The following ZNF407 variants were observed in gnomAD, a reference collection of about 807,000 sequenced individuals.
ZNF407 encodes zinc finger protein 407.
In ZNF407, 17 loss-of-function variants were observed where a neutral mutation model predicts 131.2. The ratio of observed to expected loss-of-function variants is 0.13; its 90% CI spans 0.09 to 0.19. The LOEUF is 0.19. ZNF407 is among the 10% of genes least tolerant of loss of function. The probability of loss-of-function intolerance (pLI) is 1.00; values close to 1 mark genes in which losing one functional copy is unlikely to be tolerated. For missense variants in ZNF407, 2,681 were observed against 2,830.6 expected, an observed-to-expected ratio of 0.95 and a Z score of 1.20; for synonymous variants, 1,156 against 1,062.0, an observed-to-expected ratio of 1.09 and a Z score of -1.72.
chr18:75,042,908 C>T (rs1043934752), intron 8 of ZNF407, among the ~76,000 whole-genome samples: 16 of 152,178 alleles, frequency 1.1e-4, no homozygotes, highest in Admixed American at 3.3e-4. Context: ...AGTCCTGTTC[C>T]GTCGCATGCG....
intron 4 of ZNF407, among the ~76,000 whole-genome samples, chr18:74,782,639 A>T (rs1451967739): frequency 6.6e-6 from 1 of 150,644 alleles, no homozygotes; most frequent in African/African-American, 2.5e-5. Flanking sequence ...CCTTCATTTG[A>T]GATGGAGTCT....
chr18:74,954,820 C>T (rs567138005), intron 8 of ZNF407, among the ~76,000 whole-genome samples: 1 of 152,268 alleles, frequency 6.6e-6, no homozygotes, highest in African/African-American at 2.4e-5. Context: ...TCATTGCCAT[C>T]CTTTCGAGTG....
Position 74,831,116 on chromosome 18 carries a change from G to T in ZNF407, c.4878-46081G>T, listed in dbSNP as rs183709467. ...TGATAGGATTTCATTCTTTTTAATG[G>T]CTGAATAGTATTTCATTGTGTATGT... On this transcript the variant is annotated intron_variant, in intron 4 of 8. Transcript: ENST00000299687. Among the ~76,000 whole-genome samples, 4 of 152,130 alleles carry T rather than the reference G, an allele frequency of 2.6e-5. No homozygotes were observed. In the East Asian group the frequency reaches 5.8e-4, roughly 22 times the overall value.
chr18:74,951,865 A>G (rs1378286439), intron 8 of ZNF407, among the ~76,000 whole-genome samples: 1 of 151,368 alleles, frequency 6.6e-6, no homozygotes, highest in Non-Finnish European at 1.5e-5. Flanking sequence ...ATTGGAGAAT[A>G]AAACCATCAT....
chr18:75,051,319 G>A (rs968534704), intron 8 of ZNF407, among the ~76,000 whole-genome samples: 1 of 152,212 alleles, frequency 6.6e-6, no homozygotes, highest in Non-Finnish European at 1.5e-5. Flanking sequence ...GATGGTAAAT[G>A]TGACAAACTA....
At chr18:74,962,851 G>A (rs1411176099) in intron 8 of ZNF407, among the ~76,000 whole-genome samples, 3 of 152,236 alleles carry the variant, frequency 2.0e-5, no homozygotes, top group Non-Finnish European at 4.4e-5. Flanking sequence ...TTGAAGGCCT[G>A]AGACTCGGCT....
intron 3 of ZNF407, among the ~76,000 whole-genome samples, chr18:74,647,105 T>G (rs376040721): frequency 6.6e-6 from 1 of 152,272 alleles, no homozygotes; most frequent in South Asian, 2.1e-4. Flanking sequence ...CGTTGCTTCT[T>G]CTTCTTCTTT....
intron 4 of ZNF407, among the ~76,000 whole-genome samples, chr18:74,794,426 T>C (rs1401162182): frequency 6.6e-6 from 1 of 152,070 alleles, no homozygotes; most frequent in African/African-American, 2.4e-5. Context: ...TTTTTTTTTT[T>C]CAGAAATACT....
At chr18:74,877,081 G>A in intron 4 of ZNF407, 116 bp from the exon 5 acceptor site, 1 of 835,758 alleles carries the variant, frequency 1.2e-6, no homozygotes. Context: ...GGCCTGCAGT[G>A]CTCCTCGCAG....
chr18:74,803,234 G>A (rs1011924897), intron 4 of ZNF407, among the ~76,000 whole-genome samples: 2 of 152,208 alleles, frequency 1.3e-5, no homozygotes, highest in African/African-American at 2.4e-5. Context: ...TTGCTCCCGT[G>A]CTCTTGGGGA....
intron 8 of ZNF407, among the ~76,000 whole-genome samples, chr18:75,028,166 G>A (rs568810079): frequency 6.6e-6 from 1 of 152,326 alleles, no homozygotes; most frequent in East Asian, 1.9e-4. Context: ...TTAGGGCAGG[G>A]CCCTGTGTCA....
rs752292450 is a variant in ZNF407 at position 74,634,991 on chromosome 18, C to T, written c.3972C>T (p.Gly1324=). ...CAGAATTTATTTTGGAGGAGGATGGCCCAGCTTCTGATAGCACAGTTGAAA... is the reference window on the plus strand; with the variant it reads ...CAGAATTTATTTTGGAGGAGGATGGTCCAGCTTCTGATAGCACAGTTGAAA... ...HETEFILEED[G]PASDSTVESS... The change falls in exon 2 of 9, where the codon GGC becomes GGT. Residue 1324 remains glycine (G), a synonymous_variant. Transcript: ENST00000299687. 7 of 1,613,946 alleles carry T rather than the reference C, an allele frequency of 4.3e-6. No homozygotes were observed. In the South Asian group the frequency reaches 7.7e-5, roughly 18 times the overall value.
intron 1 of ZNF407, among the ~76,000 whole-genome samples, chr18:74,607,480 G>GA (rs1411520659): frequency 2.7e-5 from 4 of 148,392 alleles, no homozygotes; most frequent in East Asian, 1.9e-4. Context: ...TTAGATGGGG[G>GA]AAAAAAAAAA....
chr18:75,051,394 A>C (rs1001476005), intron 8 of ZNF407, among the ~76,000 whole-genome samples: 1 of 152,210 alleles, frequency 6.6e-6, no homozygotes, highest in Non-Finnish European at 1.5e-5. Context: ...ACTAGTAGTC[A>C]TGCAACTGAT....
chr18:74,752,369 T>G (rs1968826508), intron 3 of ZNF407, among the ~76,000 whole-genome samples: 1 of 152,224 alleles, frequency 6.6e-6, no homozygotes, highest in Admixed American at 6.5e-5. Context: ...GCAGAAGCTC[T>G]TTAGTTTAAT....
At chr18:74,717,252 G>C (rs1289197605) in intron 3 of ZNF407, among the ~76,000 whole-genome samples, 1 of 152,130 alleles carries the variant, frequency 6.6e-6, no homozygotes, top group Non-Finnish European at 1.5e-5. Flanking sequence ...TTTGTGACAA[G>C]TCCTGTTAAG....
chr18:74,639,404 A>T (rs1984606611), intron 2 of ZNF407, among the ~76,000 whole-genome samples: 1 of 152,232 alleles, frequency 6.6e-6, no homozygotes, highest in South Asian at 2.1e-4. Flanking sequence ...TGAAATTTAA[A>T]GTGTTGGTAA....
chr18:74,734,934 G>A (rs934263501), intron 3 of ZNF407, among the ~76,000 whole-genome samples: 3 of 151,962 alleles, frequency 2.0e-5, no homozygotes, highest in Non-Finnish European at 2.9e-5. Context: ...GTAAGTTTAT[G>A]GGCTACTTAC....
intron 8 of ZNF407, among the ~76,000 whole-genome samples, chr18:75,010,940 GAAC>G (rs781472101): frequency 1.3e-5 from 2 of 152,236 alleles, no homozygotes; most frequent in East Asian, 3.9e-4. Flanking sequence ...ATCTCCTTAA[GAAC>G]AACAGAGGAT....
Sources: gnomAD v4.1 joint callset for allele counts (sites outside exome capture counted in the v4.1 genomes callset) on GRCh38, gnomAD v4.1.1 for gene constraint, MANE v1.5 for transcripts, NCBI Gene and HGNC (gene_info 2026-07-23, HGNC 2026-07-21) for gene names.